EPS15L1: variants seen among roughly 807,000 people sequenced by gnomAD.
The protein encoded by EPS15L1 is epidermal growth factor receptor pathway substrate 15 like 1.
EPS15L1 carries 43 observed loss-of-function variants against 117.1 expected under a neutral mutation model. That is an observed-to-expected ratio of 0.37 (90% CI 0.29 to 0.47). The LOEUF is 0.47. Among genes scored for constraint, EPS15L1 ranks in the 20% least tolerant of loss-of-function variants. EPS15L1 has a pLI of 0.99. For missense variants in EPS15L1, 981 were observed against 1,164.0 expected (o/e 0.84, Z 2.29); for synonymous variants, 459 against 470.5 (o/e 0.98, Z 0.32).
chr19:16,392,296 C>G lies in EPS15L1; in HGVS notation c.2103+8G>C, dbSNP rs2092485036. 1.9e-6 allele frequency: 3 copies of G among 1,613,796 alleles called. No individual in the cohort carries two copies. The highest frequency in any genetic ancestry group is 2.5e-6 in the Non-Finnish European group (3 of 1,179,826). On this transcript the variant is annotated splice_region_variant and intron_variant, in intron 19 of 23. Transcript: ENST00000455140. ...CAGCTCTCCCGGGCAACGTCCCACCCCACTCACCTTCGAAGGTAAGGAAGG... is the reference window on the plus strand; with the variant it reads ...CAGCTCTCCCGGGCAACGTCCCACCGCACTCACCTTCGAAGGTAAGGAAGG...
chr19:16,442,258 C>A, intron 1 of EPS15L1, 39 bp from the exon 2 acceptor site: 1 of 1,588,638 alleles, frequency 6.3e-7, no homozygotes, highest in Non-Finnish European at 8.6e-7. Context: ...AAAGTGAACA[C>A]AACCCCTTGG....
chr19:16,442,262 C>G, intron 1 of EPS15L1, 43 bp from the exon 2 acceptor site: 2 of 1,575,674 alleles, frequency 1.3e-6, no homozygotes, highest in Non-Finnish European at 1.7e-6. Context: ...TGAACACAAC[C>G]CCTTGGGGAA....
chr19:16,367,164 T>A (rs1193816027), intron 22 of EPS15L1, among the ~76,000 whole-genome samples: 2 of 151,434 alleles, frequency 1.3e-5, no homozygotes, highest in Admixed American at 1.3e-4. Flanking sequence ...CTGGGAATGA[T>A]GGCATCAAAC....
At chr19:16,466,444 T>G (rs1006718662) in intron 1 of EPS15L1, among the ~76,000 whole-genome samples, 3 of 152,250 alleles carry the variant, frequency 2.0e-5, no homozygotes, top group East Asian at 3.9e-4. Flanking sequence ...CCGAATGCAC[T>G]ACACATTGGG....
At chr19:16,394,294 T>G (rs1440637360) in intron 17 of EPS15L1, among the ~76,000 whole-genome samples, 2 of 152,132 alleles carry the variant, frequency 1.3e-5, no homozygotes, top group African/African-American at 4.8e-5. Flanking sequence ...TGGGCTAGAA[T>G]TCACTCCTCT....
chr19:16,391,428 C>A (rs2092472841), intron 19 of EPS15L1, among the ~76,000 whole-genome samples: 1 of 152,096 alleles, frequency 6.6e-6, no homozygotes, highest in African/African-American at 2.4e-5. Flanking sequence ...CTTCAAGGAG[C>A]TTCAAGCGCT....
At chr19:16,372,844 T>G (rs974497895) in intron 22 of EPS15L1, among the ~76,000 whole-genome samples, 1 of 152,182 alleles carries the variant, frequency 6.6e-6, no homozygotes, top group African/African-American at 2.4e-5. Flanking sequence ...CTCCCTTTCC[T>G]CCAATGTCCA....
chr19:16,454,307 G>A (rs904850772), intron 1 of EPS15L1, among the ~76,000 whole-genome samples: 1 of 152,158 alleles, frequency 6.6e-6, no homozygotes, highest in Admixed American at 6.6e-5. Flanking sequence ...AAATGAGAAG[G>A]GGGCAATCTA....
intron 21 of EPS15L1, among the ~76,000 whole-genome samples, chr19:16,382,553 T>C (rs947489410): frequency 6.6e-6 from 1 of 151,612 alleles, no homozygotes; most frequent in Non-Finnish European, 1.5e-5. Flanking sequence ...TAAATATCAA[T>C]GCACAGCTTT....
intron 9 of EPS15L1, among the ~76,000 whole-genome samples, chr19:16,424,531 C>A (rs1404629558): frequency 6.6e-6 from 1 of 152,020 alleles, no homozygotes; most frequent in Non-Finnish European, 1.5e-5. Flanking sequence ...CAGACACAGG[C>A]TGGGCACGGT....
intron 16 of EPS15L1, chr19:16,401,374 C>T (rs561189455): frequency 3.0e-5 from 30 of 985,362 alleles, no homozygotes; most frequent in South Asian, 4.7e-5. Context: ...TTAGAGAGCA[C>T]GAGCGCTCAC....
intron 8 of EPS15L1, 101 bp from the exon 9 acceptor site, chr19:16,425,417 ACT>A (rs2092861931): frequency 2.5e-6 from 2 of 790,428 alleles, no homozygotes; most frequent in Admixed American, 2.1e-5. Flanking sequence ...GTGACAGGAC[ACT>A]CTGTCAGGAC....
chr19:16,411,476 G>C (rs2092705131), intron 13 of EPS15L1, among the ~76,000 whole-genome samples: 1 of 152,154 alleles, frequency 6.6e-6, no homozygotes, highest in Non-Finnish European at 1.5e-5. Flanking sequence ...GGCGCCTACG[G>C]GAGAAACAAT....
chr19:16,417,893 G>A, intron 11 of EPS15L1, 55 bp downstream of exon 11: 1 of 1,570,754 alleles, frequency 6.4e-7, no homozygotes, highest in Non-Finnish European at 8.6e-7. Context: ...GCCACCTGGT[G>A]GCAGGCGGTG....
intron 22 of EPS15L1, among the ~76,000 whole-genome samples, chr19:16,366,503 A>T (rs73509143): frequency 1.3e-3 from 197 of 152,204 alleles, no homozygotes; most frequent in African/African-American, 4.6e-3. Flanking sequence ...GAGAGATGAA[A>T]AGCTTCGTTC....
rs2091972814 is a variant in EPS15L1 at position 16,355,847 on chromosome 19, C to A, written c.2591G>T (p.Gly864Val). 1 of 1,535,600 alleles carries A rather than the reference C, an allele frequency of 6.5e-7. No homozygotes were observed. The change falls in exon 24 of 24, where the codon GGC becomes GTC. Residue 864 changes from glycine to valine, a missense_variant. By Grantham distance (109) the Gly-to-Val change is moderately radical. Coordinates refer to ENST00000455140, the MANE Select transcript of EPS15L1 (RefSeq NM_001258374.3). ...ASGFADFTSFGNEEQQLAWAK... is the reference protein window; with the variant it reads ...ASGFADFTSFVNEEQQLAWAK... Reference sequence around the variant, plus strand: ...CCACGCCAGCTGCTGCTCCTCATTGCCAAACTGCAAAGGAAAAACGGAGAG... The same window carrying A: ...CCACGCCAGCTGCTGCTCCTCATTGACAAACTGCAAAGGAAAAACGGAGAG...
At chr19:16,420,366 C>A (rs1414028397) in intron 10 of EPS15L1, among the ~76,000 whole-genome samples, 4 of 152,214 alleles carry the variant, frequency 2.6e-5, no homozygotes, top group African/African-American at 9.6e-5. Flanking sequence ...TAACCAGGAA[C>A]TGTATGTGTG....
At chr19:16,409,333 C>A (rs1043319521) in intron 13 of EPS15L1, among the ~76,000 whole-genome samples, 1 of 152,080 alleles carries the variant, frequency 6.6e-6, no homozygotes, top group South Asian at 2.1e-4. Context: ...ATGCTATATA[C>A]AAAAATTAAC....
chr19:16,451,418 GTTA>G (rs1315566228), intron 1 of EPS15L1, among the ~76,000 whole-genome samples: 1 of 152,152 alleles, frequency 6.6e-6, no homozygotes, highest in Non-Finnish European at 1.5e-5. Flanking sequence ...TACCAAAGGC[GTTA>G]TTATTAGTTG....
Sources: gnomAD v4.1 joint callset for allele counts (sites outside exome capture counted in the v4.1 genomes callset) on GRCh38, gnomAD v4.1.1 for gene constraint, MANE v1.5 for transcripts, NCBI Gene and HGNC (gene_info 2026-07-23, HGNC 2026-07-21) for gene names.